The following LAMA3 variants were observed in gnomAD, a reference collection of about 807,000 sequenced individuals.
LAMA3 encodes laminin subunit alpha 3.
In LAMA3, 281 loss-of-function variants were observed where a neutral mutation model predicts 402.0. The ratio of observed to expected loss-of-function variants is 0.70; its 90% CI spans 0.63 to 0.77. The LOEUF is 0.77. Ranked by LOEUF, LAMA3 falls within the 30% of genes least tolerant of loss-of-function variation. The probability of loss-of-function intolerance (pLI) is 0.00; values close to 1 mark genes in which losing one functional copy is unlikely to be tolerated. For missense variants in LAMA3, 3,840 were observed against 4,215.5 expected (o/e 0.91, Z 2.47); for synonymous variants, 1,431 against 1,558.4 (o/e 0.92, Z 1.93).
At chr18:23,871,302 G>A (rs550875432) in intron 37 of LAMA3, 129 bp from the exon 38 acceptor site, 34 of 763,364 alleles carry the variant, frequency 4.5e-5, no homozygotes, top group East Asian at 1.9e-4. Context: ...GTATTTCCCC[G>A]TCTTATTTCA....
intron 41 of LAMA3, among the ~76,000 whole-genome samples, chr18:23,888,136 GTAGAA>G (rs1231740927): frequency 6.6e-6 from 1 of 152,150 alleles, no homozygotes; most frequent in Non-Finnish European, 1.5e-5. Flanking sequence ...GATCTGTTAG[GTAGAA>G]TACCAAGCCA....
At chr18:23,762,754 T>C (rs947811002) in intron 7 of LAMA3, among the ~76,000 whole-genome samples, 6 of 151,620 alleles carry the variant, frequency 4.0e-5, no homozygotes, top group Non-Finnish European at 7.4e-5. Context: ...AGTCTCACTC[T>C]GTCACCCAGG....
chr18:23,897,459 C>T (rs907881966), intron 44 of LAMA3, among the ~76,000 whole-genome samples: 2 of 152,186 alleles, frequency 1.3e-5, no homozygotes, highest in Non-Finnish European at 2.9e-5. Flanking sequence ...CAACATGGCC[C>T]TGCAGCCTTC....
chr18:23,920,974 A>T lies in LAMA3; in HGVS notation c.7963A>T (p.Met2655Leu). ...ISLNIEDGKLMVRYKLNSELP... is the reference protein window; with the variant it reads ...ISLNIEDGKLLVRYKLNSELP... Reference sequence around the variant, plus strand: ...TCTAAATATAGAAGATGGCAAGCTCATGGTGAGATACAAACTGAATTCAGA... The same window carrying T: ...TCTAAATATAGAAGATGGCAAGCTCTTGGTGAGATACAAACTGAATTCAGA... Residue 2655 changes from methionine to leucine, a missense_variant, in exon 61 of 75, where the codon ATG becomes TTG. Coordinates refer to ENST00000313654, the MANE Select transcript of LAMA3 (RefSeq NM_198129.4). 6.2e-7 allele frequency: 1 copy of T among 1,614,090 alleles called. No homozygotes were observed.
intron 47 of LAMA3, 40 bp from the exon 48 acceptor site, chr18:23,901,087 C>T (rs1033571308): frequency 2.9e-5 from 45 of 1,544,852 alleles, no homozygotes; most frequent in Non-Finnish European, 4.0e-5. Flanking sequence ...CTTCAGTATG[C>T]TCATCTGTCA....
At position 23,915,273 on chromosome 18, in the gene LAMA3, T is replaced by G. The variant is rs781582247; in HGVS notation, c.7645-16T>G. ...CCTTTGTTCAATTGGTGGAAGATGT[T>G]TTATTTCATTTTCAGCTTCCCAGTC... On this transcript the variant is annotated splice_polypyrimidine_tract_variant and intron_variant, in intron 58 of 74. Coordinates refer to ENST00000313654, the MANE Select transcript of LAMA3 (RefSeq NM_198129.4). 1 of 1,612,672 alleles carries G rather than the reference T, an allele frequency of 6.2e-7. No homozygotes were observed.
intron 40 of LAMA3, among the ~76,000 whole-genome samples, chr18:23,884,047 GGTGTGTGTGTGTGTGTGTGTGT>G (rs60711151): frequency 0.14 from 19,002 of 138,874 alleles, 2,137 homozygotes; most frequent in East Asian, 0.51. Context: ...TGGTCTCTTT[GGTGTGTGTGTGTGTGTGTGTGT>G]GTGTGTGTGT....
chr18:23,907,773 A>G lies in LAMA3; in HGVS notation c.6853A>G (p.Ile2285Val). 6.2e-7 allele frequency: 1 copy of G among 1,614,182 alleles called. No homozygotes were observed. Among genetic ancestry groups the G allele is most frequent in the Non-Finnish European group, 8.5e-7 (1 of 1,180,034 alleles). Residue 2285 changes from isoleucine (I) to valine (V), a missense_variant, in exon 54 of 75, where the codon ATC (isoleucine) becomes GTC (valine). Coordinates refer to ENST00000313654, the MANE Select transcript of LAMA3 (RefSeq NM_198129.4). ...GIQRGDIDAM[I>V]SSAKSMVRKA... is the part of the protein sequence containing the mutation. ...TGCATTAGGTGATATTGATGCTATG[A>G]TCAGTAGTGCAAAGAGCATGGTCAG...
intron 1 of LAMA3, among the ~76,000 whole-genome samples, chr18:23,697,956 G>C (rs1347760067): frequency 6.6e-6 from 1 of 151,872 alleles, no homozygotes; most frequent in Admixed American, 6.6e-5. Flanking sequence ...TCTTCACATG[G>C]TCTCTTCTCT....
At chr18:23,891,858 G>A (rs1164187416) in intron 42 of LAMA3, among the ~76,000 whole-genome samples, 1 of 152,180 alleles carries the variant, frequency 6.6e-6, no homozygotes, top group Non-Finnish European at 1.5e-5. Flanking sequence ...GCTCATGTAA[G>A]TCCTCACGTG....
chr18:23,905,662 A>G (rs373148184), intron 52 of LAMA3, 38 bp downstream of exon 52: 1 of 1,228,120 alleles, frequency 8.1e-7, no homozygotes, highest in South Asian at 1.2e-5. Context: ...GATAGTCAGG[A>G]GCTTTAAATG....
intron 60 of LAMA3, among the ~76,000 whole-genome samples, chr18:23,920,672 G>A (rs536350525): frequency 2.6e-5 from 4 of 152,234 alleles, no homozygotes; most frequent in Middle Eastern, 3.4e-3. Flanking sequence ...GTTATGGATC[G>A]CATGAAACAA....
chr18:23,842,749 T>A lies in LAMA3; in HGVS notation c.3602T>A (p.Leu1201Ter). ...GTTCCAGAAGGAAAGTCCTTGGTTTTGGTGCGTTCCACTCGTTCCTCAACT... is the reference window on the plus strand; with the variant it reads ...GTTCCAGAAGGAAAGTCCTTGGTTTAGGTGCGTTCCACTCGTTCCTCAACT... Reference protein sequence around the residue: ...VKVPEGKSLVLVRVLVVPAEN... With the variant: ...VKVPEGKSLV The change falls in exon 29 of 75, where the codon TTG (leucine) becomes TAG (stop). Residue 1201 changes from leucine (L) to a stop codon, truncating the protein, a stop_gained and splice_region_variant. Transcript: ENST00000313654. LOFTEE classifies it high-confidence loss of function. 6.2e-7 allele frequency: 1 copy of A among 1,614,200 alleles called. No individual in the cohort carries two copies. The highest frequency in any genetic ancestry group is 1.7e-4 in the Middle Eastern group (1 of 6,038).
rs760391552 is a variant in LAMA3, at chr18:23,914,904, A to T, written c.7644+44A>T. The T allele has an allele frequency of 3.4e-5, 51 of 1,494,720 alleles. No individual in the cohort carries two copies. In the East Asian group the frequency reaches 9.9e-4, roughly 29 times the overall value. The allele number at this position is 1,494,720 out of a possible 1,614,324, so 92.6% of individuals were successfully genotyped here. ...TCACTGAATTAAATATTAAAATTTT[A>T]ATTTGGTATGGTGATGACCTCATGT... is the stretch of plus-strand genomic sequence containing the variant. On this transcript the variant is annotated intron_variant, in intron 58 of 74. Coordinates refer to ENST00000313654, the MANE Select transcript of LAMA3 (RefSeq NM_198129.4).
intron 11 of LAMA3, among the ~76,000 whole-genome samples, chr18:23,779,084 T>C (rs1055634218): frequency 1.3e-5 from 2 of 151,610 alleles, no homozygotes; most frequent in African/African-American, 4.9e-5. Context: ...AGAGACCAGG[T>C]GTGTGAAAGT....
intron 40 of LAMA3, among the ~76,000 whole-genome samples, chr18:23,883,425 A>C (rs1336259598): frequency 6.6e-6 from 1 of 152,210 alleles, no homozygotes; most frequent in East Asian, 1.9e-4. Context: ...AACTAAGTGA[A>C]GCAAGAGTTG....
At chr18:23,909,340 A>G in intron 55 of LAMA3, 45 bp downstream of exon 55, 2 of 1,553,918 alleles carry the variant, frequency 1.3e-6, no homozygotes, top group Middle Eastern at 3.4e-4. Flanking sequence ...TAGTTCTTTA[A>G]TGAGTTATCA....
intron 58 of LAMA3, 111 bp downstream of exon 58, chr18:23,914,971 T>C: frequency 3.3e-6 from 3 of 905,606 alleles, no homozygotes; most frequent in Non-Finnish European, 1.7e-6. Flanking sequence ...TAACCGCACA[T>C]TCTTACAGCA....
rs972790370 is a variant in LAMA3, at chr18:23,901,085, T to C, written c.6005-42T>C. 3.3e-6 allele frequency: 5 copies of C among 1,531,782 alleles called. No homozygotes were observed. In the East Asian group the frequency reaches 6.7e-5, roughly 21 times the overall value. The allele number at this position is 1,531,782 out of a possible 1,614,324, so 94.9% of individuals were successfully genotyped here. A position where few individuals can be genotyped will look rare whatever the true frequency, so the allele number is the denominator to read the frequency against. ...TAGTTTTTATAACCCAGCTTCAGTATGCTCATCTGTCAAATAGAAAACATG... is the reference window on the plus strand; with the variant it reads ...TAGTTTTTATAACCCAGCTTCAGTACGCTCATCTGTCAAATAGAAAACATG... On this transcript the variant is annotated intron_variant, in intron 47 of 74. Transcript: ENST00000313654.
Sources: gnomAD v4.1 joint callset for allele counts (sites outside exome capture counted in the v4.1 genomes callset) on GRCh38, gnomAD v4.1.1 for gene constraint, MANE v1.5 for transcripts, NCBI Gene and HGNC (gene_info 2026-07-23, HGNC 2026-07-21) for gene names.